The following PLPPR1 variants were observed in gnomAD, a reference collection of about 807,000 sequenced individuals.
PLPPR1 encodes phospholipid phosphatase related 1, also known as phospholipid phosphatase-related protein type 1.
PLPPR1 carries 10 observed loss-of-function variants against 33.1 expected under a neutral mutation model. That is an observed-to-expected ratio of 0.30 (90% CI 0.19 to 0.51). The LOEUF (loss-of-function observed/expected upper bound fraction) is 0.51, where lower values mean the gene tolerates loss of function less well. Among genes scored for constraint, PLPPR1 ranks in the 20% least tolerant of loss-of-function variants. The pLI, the probability that PLPPR1 is intolerant of heterozygous loss-of-function variation, is 0.97. For synonymous variants in PLPPR1, 151 were observed against 151.0 expected, an observed-to-expected ratio of 1.00 and a Z score of 0.00; for missense variants, 304 against 408.1, an observed-to-expected ratio of 0.74 and a Z score of 2.20.
chr9:101,294,925 G>A lies in PLPPR1; in HGVS notation c.385+8689G>A, dbSNP rs151160701. ...GATTCCCTGTCTACTACTCCTATTC[G>A]ACATAGTGTTGGAAGTTCTGGCCAG... On this transcript the variant is annotated intron_variant, in intron 4 of 7. Transcript: ENST00000374874. Among the ~76,000 whole-genome samples, 74 of 152,118 alleles carry A rather than the reference G, an allele frequency of 4.9e-4. 1 individual carries two copies. Among genetic ancestry groups the A allele is most frequent in the East Asian group, 2.1e-3 (11 of 5,166 alleles).
chr9:101,182,922 A>T (rs1826140023), intron 1 of PLPPR1, among the ~76,000 whole-genome samples: 1 of 151,726 alleles, frequency 6.6e-6, no homozygotes, highest in African/African-American at 2.4e-5. Context: ...TAGCAAAATG[A>T]AAATTAAAAC....
At chr9:101,263,857 G>A (rs1320877302) in intron 2 of PLPPR1, among the ~76,000 whole-genome samples, 1 of 152,156 alleles carries the variant, frequency 6.6e-6, no homozygotes, top group African/African-American at 2.4e-5. Flanking sequence ...CCTGGGACAT[G>A]CACAATATAA....
intron 1 of PLPPR1, among the ~76,000 whole-genome samples, chr9:101,154,835 A>G (rs1169559208): frequency 6.6e-6 from 1 of 151,928 alleles, no homozygotes; most frequent in Non-Finnish European, 1.5e-5. Flanking sequence ...GCTGGAAACC[A>G]TCATTCTCAG....
At chr9:101,106,194 A>T (rs1830966950) in intron 1 of PLPPR1, among the ~76,000 whole-genome samples, 1 of 148,474 alleles carries the variant, frequency 6.7e-6, no homozygotes, top group Non-Finnish European at 1.5e-5. Flanking sequence ...TGTCATTATG[A>T]TGTTAGCTGG....
chr9:101,157,613 CAGA>C (rs1398569669), intron 1 of PLPPR1, among the ~76,000 whole-genome samples: 1 of 152,074 alleles, frequency 6.6e-6, no homozygotes, highest in African/African-American at 2.4e-5. Flanking sequence ...AAATAGTTTG[CAGA>C]AGAATAGACT....
intron 2 of PLPPR1, among the ~76,000 whole-genome samples, chr9:101,232,300 C>T (rs1483473611): frequency 6.6e-6 from 1 of 151,958 alleles, no homozygotes; most frequent in Non-Finnish European, 1.5e-5. Flanking sequence ...TCTGCAAAAA[C>T]TGGTTCAAGT....
At chr9:101,313,079 C>T (rs1828988652) in intron 6 of PLPPR1, 105 bp downstream of exon 6, 4 of 947,888 alleles carry the variant, frequency 4.2e-6, no homozygotes, top group Non-Finnish European at 4.9e-6. Context: ...TCGTCCCAAC[C>T]TTGTGAATTA....
chr9:101,171,227 A>C (rs1825937283), intron 1 of PLPPR1, among the ~76,000 whole-genome samples: 1 of 152,126 alleles, frequency 6.6e-6, no homozygotes, highest in Non-Finnish European at 1.5e-5. Flanking sequence ...TTTGTGATGC[A>C]CCAGATTTAA....
chr9:101,037,680 CT>C (rs1830026567), intron 1 of PLPPR1, among the ~76,000 whole-genome samples: 2 of 152,100 alleles, frequency 1.3e-5, no homozygotes, highest in Non-Finnish European at 2.9e-5. Context: ...CACTCAAATG[CT>C]CTAATAATCA....
At chr9:101,300,692 A>T (rs73507598) in intron 4 of PLPPR1, among the ~76,000 whole-genome samples, 4,394 of 152,336 alleles carry the variant, frequency 0.029, 228 homozygotes, top group African/African-American at 0.1. Context: ...GCCTTCTAAA[A>T]ATCCAGGCCT....
chr9:101,052,636 AAG>A (rs984772518), intron 1 of PLPPR1, among the ~76,000 whole-genome samples: 2 of 152,186 alleles, frequency 1.3e-5, no homozygotes, highest in African/African-American at 4.8e-5. Context: ...ATGGTGGCAG[AAG>A]ATTTCCCAGC....
chr9:101,192,181 C>G (rs1826307309), intron 2 of PLPPR1, among the ~76,000 whole-genome samples: 1 of 152,124 alleles, frequency 6.6e-6, no homozygotes, highest in Non-Finnish European at 1.5e-5. Context: ...TTCTCTTGGC[C>G]TTGCTTTTGG....
intron 1 of PLPPR1, among the ~76,000 whole-genome samples, chr9:101,042,699 G>A (rs941283852): frequency 5.9e-5 from 9 of 152,064 alleles, no homozygotes; most frequent in African/African-American, 2.2e-4. Flanking sequence ...TTATACTTTT[G>A]ACCAAAAGAA....
At chr9:101,282,077 A>G (rs1828313904) in intron 3 of PLPPR1, among the ~76,000 whole-genome samples, 1 of 152,206 alleles carries the variant, frequency 6.6e-6, no homozygotes, top group Non-Finnish European at 1.5e-5. Context: ...TCATTTTACA[A>G]GGTCAGCATT....
intron 1 of PLPPR1, among the ~76,000 whole-genome samples, chr9:101,037,700 C>A (rs1830026770): frequency 6.6e-6 from 1 of 152,070 alleles, no homozygotes. Flanking sequence ...CAGCCCACAG[C>A]CTTCCCTCCT....
chr9:101,239,090 C>T (rs1827397490), intron 2 of PLPPR1, among the ~76,000 whole-genome samples: 2 of 141,348 alleles, frequency 1.4e-5, no homozygotes, highest in African/African-American at 2.7e-5. Context: ...TGTGTGTGTA[C>T]ATATATACCA....
intron 1 of PLPPR1, among the ~76,000 whole-genome samples, chr9:101,111,476 A>G (rs1831055928): frequency 6.6e-6 from 1 of 152,184 alleles, no homozygotes; most frequent in African/African-American, 2.4e-5. Context: ...CTTTAATAAA[A>G]ATATTTTGGA....
intron 4 of PLPPR1, among the ~76,000 whole-genome samples, chr9:101,299,585 A>G (rs1014967223): frequency 6.0e-5 from 9 of 151,234 alleles, no homozygotes; most frequent in Admixed American, 2.0e-4. Flanking sequence ...CTAATTATCA[A>G]GAGGAAAGTT....
intron 1 of PLPPR1, among the ~76,000 whole-genome samples, chr9:101,068,071 AT>A (rs1350882500): frequency 2.6e-5 from 4 of 152,244 alleles, no homozygotes; most frequent in Admixed American, 2.6e-4. Flanking sequence ...TATTCAGAAA[AT>A]AATATGGTTG....
Sources: allele counts gnomAD v4.1 joint callset (sites outside exome capture counted in the v4.1 genomes callset), GRCh38; gene constraint gnomAD v4.1.1; transcripts MANE v1.5; gene names NCBI Gene and HGNC (gene_info 2026-07-23, HGNC 2026-07-21).